IL1RAPL1: variants seen among roughly 807,000 people sequenced by gnomAD.
IL1RAPL1 encodes interleukin-1 receptor accessory protein-like 1.
Under a neutral mutation model 48.4 loss-of-function variants are expected in IL1RAPL1, and 3 were observed. That is an observed-to-expected ratio of 0.06 (90% CI 0.03 to 0.16). The LOEUF is 0.16. IL1RAPL1 is among the 10% of genes least tolerant of loss of function. The pLI is 1.00. For synonymous variants in IL1RAPL1, 185 were observed against 187.7 expected (o/e 0.99, Z 0.12); for missense variants, 349 against 530.6 (o/e 0.66, Z 3.36).
chrX:28,976,213 G>A (rs1490937709), intron 2 of IL1RAPL1, among the ~76,000 whole-genome samples: 2 of 111,641 alleles, frequency 1.8e-5, no homozygotes, highest in African/African-American at 6.5e-5. Flanking sequence ...AATGAAAGAG[G>A]GTTGGCACAG....
At chrX:29,631,221 G>A (rs1489233841) in intron 5 of IL1RAPL1, among the ~76,000 whole-genome samples, 1 of 110,694 alleles carries the variant, frequency 9.0e-6, no homozygotes, top group Non-Finnish European at 1.9e-5. Flanking sequence ...TTTTTTTCCA[G>A]CTCTTGGTTG....
chrX:29,036,318 T>C (rs1926731095), intron 2 of IL1RAPL1, among the ~76,000 whole-genome samples: 1 of 112,058 alleles, frequency 8.9e-6, no homozygotes, highest in Admixed American at 9.5e-5. Context: ...TCTGCAGAAA[T>C]TGAGAAAGAG....
intron 2 of IL1RAPL1, among the ~76,000 whole-genome samples, chrX:28,925,781 T>C (rs145117343): frequency 0.013 from 1,430 of 110,543 alleles, 24 homozygotes; most frequent in African/African-American, 0.045. Flanking sequence ...TTTAGCTGGG[T>C]GTGGTGGTGC....
At chrX:28,994,409 C>T (rs951244762) in intron 2 of IL1RAPL1, among the ~76,000 whole-genome samples, 4 of 111,228 alleles carry the variant, frequency 3.6e-5, no homozygotes, top group East Asian at 2.9e-4. Flanking sequence ...TGCCATTTAT[C>T]GAAATGGAGA....
chrX:29,594,562 C>A (rs1402493274), intron 5 of IL1RAPL1, among the ~76,000 whole-genome samples: 1 of 110,512 alleles, frequency 9.0e-6, no homozygotes, highest in African/African-American at 3.3e-5. Flanking sequence ...CCATTCAGAA[C>A]CATAATAAAA....
rs373391502 is a variant in IL1RAPL1 at position 29,893,576 on chromosome X, C to T, written c.779-23888C>T. Among the ~76,000 whole-genome samples the T allele has an allele frequency of 1.9e-4, 21 of 110,844 alleles. No homozygotes were observed. The East Asian group carries it at 5.9e-3, about 31-fold the overall frequency. On this transcript the variant is annotated intron_variant, in intron 6 of 10. Coordinates refer to ENST00000378993, the MANE Select transcript of IL1RAPL1 (RefSeq NM_014271.4). The stretch of plus-strand genomic sequence containing the variant: ...GGTTACAGGTTGAATAATATTTCTC[C>T]CTACTTTATCAAAATATATATCATA...
chrX:28,784,303 T>A (rs1242195198), intron 1 of IL1RAPL1, among the ~76,000 whole-genome samples: 1 of 112,120 alleles, frequency 8.9e-6, no homozygotes, highest in Non-Finnish European at 1.9e-5. Flanking sequence ...GAAAAATGGT[T>A]GCTTTAATCT....
At chrX:28,857,000 G>T (rs759159050) in intron 2 of IL1RAPL1, among the ~76,000 whole-genome samples, 13 of 112,062 alleles carry the variant, frequency 1.2e-4, no homozygotes, top group Non-Finnish European at 2.4e-4. Flanking sequence ...GTGCTTAGAA[G>T]AAATTAAAAA....
At chrX:29,252,769 G>A (rs1343464979) in intron 2 of IL1RAPL1, among the ~76,000 whole-genome samples, 5 of 111,204 alleles carry the variant, frequency 4.5e-5, no homozygotes, top group Admixed American at 2.9e-4. Context: ...GTATACAAAC[G>A]CAGTGCTTTT....
At chrX:29,185,398 C>T (rs1464796771) in intron 2 of IL1RAPL1, among the ~76,000 whole-genome samples, 4 of 111,593 alleles carry the variant, frequency 3.6e-5, no homozygotes, top group Non-Finnish European at 7.5e-5. Flanking sequence ...AAATTACTTA[C>T]CCATGCTAGG....
intron 6 of IL1RAPL1, among the ~76,000 whole-genome samples, chrX:29,835,860 G>T (rs1361804716): frequency 4.0e-5 from 3 of 74,806 alleles, no homozygotes; most frequent in Admixed American, 1.3e-4. Flanking sequence ...TTTTATCTTT[G>T]ATTTTATTTG....
At chrX:29,739,972 A>C (rs1601803061) in intron 6 of IL1RAPL1, among the ~76,000 whole-genome samples, 1 of 108,935 alleles carries the variant, frequency 9.2e-6, no homozygotes, top group East Asian at 2.9e-4. Flanking sequence ...AGGCAGGAGA[A>C]TCGCTTGAAC....
At chrX:28,859,964 A>G (rs1921900495) in intron 2 of IL1RAPL1, among the ~76,000 whole-genome samples, 1 of 110,958 alleles carries the variant, frequency 9.0e-6, no homozygotes, top group Non-Finnish European at 1.9e-5. Context: ...ATGTTTTTAA[A>G]TCATTTAGTT....
intron 6 of IL1RAPL1, among the ~76,000 whole-genome samples, chrX:29,802,953 A>ATG: frequency 2.0e-5 from 1 of 50,649 alleles, no homozygotes; most frequent in African/African-American, 7.4e-5. Flanking sequence ...GTATGCATAT[A>ATG]TGTATACATG....
intron 5 of IL1RAPL1, among the ~76,000 whole-genome samples, chrX:29,552,383 C>T (rs988875218): frequency 5.4e-5 from 6 of 111,151 alleles, no homozygotes; most frequent in Non-Finnish European, 9.4e-5. Flanking sequence ...TTTCAGGAGA[C>T]GCACATTTGT....
intron 2 of IL1RAPL1, among the ~76,000 whole-genome samples, chrX:29,129,225 T>A (rs1231801375): frequency 9.1e-6 from 1 of 109,672 alleles, no homozygotes. Context: ...GTATTTTTAG[T>A]AGAGACAGGG....
At chrX:28,848,444 G>GGT (rs1569185183) in intron 2 of IL1RAPL1, among the ~76,000 whole-genome samples, 1 of 106,697 alleles carries the variant, frequency 9.4e-6, no homozygotes, top group African/African-American at 3.4e-5. Context: ...TACTTGTAGG[G>GGT]TTTTTTTTTT....
At chrX:28,761,296 A>C (rs1394578198) in intron 1 of IL1RAPL1, among the ~76,000 whole-genome samples, 1 of 110,997 alleles carries the variant, frequency 9.0e-6, no homozygotes, top group Non-Finnish European at 1.9e-5. Context: ...ATTCTACCAA[A>C]AATACACATG....
intron 2 of IL1RAPL1, among the ~76,000 whole-genome samples, chrX:28,815,847 A>G (rs1455268819): frequency 0.025 from 1,283 of 52,334 alleles, 51 homozygotes; most frequent in African/African-American, 0.084. Flanking sequence ...ATGTATATAT[A>G]TATATATATA....
Sources: gnomAD v4.1 joint callset for allele counts (sites outside exome capture counted in the v4.1 genomes callset) on GRCh38, gnomAD v4.1.1 for gene constraint, MANE v1.5 for transcripts, NCBI Gene and HGNC (gene_info 2026-07-23, HGNC 2026-07-21) for gene names.